The following SUGP1 variants were observed in gnomAD, a reference collection of about 807,000 sequenced individuals.
The protein encoded by SUGP1 is SURP and G-patch domain containing 1.
Under a neutral mutation model 76.5 loss-of-function variants are expected in SUGP1, and 34 were observed. That is an observed-to-expected ratio of 0.44 (90% CI 0.34 to 0.59). The LOEUF (loss-of-function observed/expected upper bound fraction) is 0.59. Ranked by LOEUF, SUGP1 falls within the 20% of genes least tolerant of loss-of-function variation. SUGP1 has a pLI of 0.01. For missense variants in SUGP1, 752 were observed against 851.7 expected (o/e 0.88, Z 1.46); for synonymous variants, 326 against 326.2 (o/e 1.00, Z 0.01).
chr19:19,287,733 A>C (rs1423331178), intron 8 of SUGP1, among the ~76,000 whole-genome samples: 5 of 152,214 alleles, frequency 3.3e-5, no homozygotes, highest in Non-Finnish European at 7.3e-5. Flanking sequence ...TGGTAGGAGG[A>C]TTCTCATTAT....
rs956389707 is a variant in SUGP1 at position 19,291,893 on chromosome 19, A to T, written c.1243+5096T>A. Reference sequence around the variant, plus strand: ...GGGTGACAGAGTGAGACTCTGTCACACACACACACACACACACACACACAC... The same window carrying T: ...GGGTGACAGAGTGAGACTCTGTCACTCACACACACACACACACACACACAC... On this transcript the variant is annotated intron_variant, in intron 8 of 13. Coordinates refer to ENST00000247001, the MANE Select transcript of SUGP1 (RefSeq NM_172231.4). 5.7e-3 allele frequency among the ~76,000 whole-genome samples: 538 copies of T among 93,792 alleles called. 1 individual carries two copies. Among genetic ancestry groups the T allele is most frequent in the Non-Finnish European group, 8.2e-3 (321 of 39,008 alleles). 61.5% of individuals were successfully genotyped at this position (93,792 alleles called of 152,430 possible). A position where few individuals can be genotyped will look rare whatever the true frequency, so the allele number is the denominator to read the frequency against.
At chr19:19,304,532 A>T (rs1354136124) in intron 4 of SUGP1, among the ~76,000 whole-genome samples, 1 of 152,138 alleles carries the variant, frequency 6.6e-6, no homozygotes. Flanking sequence ...AGGCTTAATC[A>T]TTATTTCGGG....
At chr19:19,320,256 T>C (rs2061432515) in intron 1 of SUGP1, among the ~76,000 whole-genome samples, 1 of 152,186 alleles carries the variant, frequency 6.6e-6, no homozygotes, top group African/African-American at 2.4e-5. Flanking sequence ...CGGAGATCCG[T>C]GCGTCCTCAG....
intron 8 of SUGP1, among the ~76,000 whole-genome samples, chr19:19,292,789 T>A (rs1325001775): frequency 6.6e-6 from 1 of 152,230 alleles, no homozygotes; most frequent in Non-Finnish European, 1.5e-5. Context: ...TTATACACCA[T>A]GACCAAGTGG....
At chr19:19,276,838 C>T in intron 13 of SUGP1, 109 bp downstream of exon 13, 7 of 1,554,332 alleles carry the variant, frequency 4.5e-6, no homozygotes, top group South Asian at 2.4e-5. Context: ...GTAGGGGGCT[C>T]GCTGGTGAGA....
At chr19:19,296,196 G>C (rs965390656) in intron 8 of SUGP1, among the ~76,000 whole-genome samples, 1 of 152,106 alleles carries the variant, frequency 6.6e-6, no homozygotes, top group Non-Finnish European at 1.5e-5. Flanking sequence ...TACAGAAAAA[G>C]TGGAACCCTT....
intron 12 of SUGP1, 39 bp from the exon 13 acceptor site, chr19:19,277,115 AGAACTCTGGC>A (rs1422934249): frequency 6.3e-7 from 1 of 1,587,380 alleles, no homozygotes; most frequent in East Asian, 2.3e-5. Flanking sequence ...ACCTGGGGCC[AGAACTCTGGC>A]CGGGGGGCCG....
chr19:19,310,074 G>A, intron 3 of SUGP1, 23 bp downstream of exon 3: 2 of 1,598,020 alleles, frequency 1.3e-6, no homozygotes, highest in Non-Finnish European at 1.7e-6. Context: ...GACAGCACAA[G>A]GAAAGGGGAG....
At chr19:19,318,113 C>CTTTTCTTTTTTTTTTTTT (rs55849619) in intron 1 of SUGP1, among the ~76,000 whole-genome samples, 2 of 97,716 alleles carry the variant, frequency 2.0e-5, no homozygotes, top group African/African-American at 8.8e-5. Flanking sequence ...ACCCAGCCTT[C>CTTTTCTTTTTTTTTTTTT]TTTTTTTTTT....
chr19:19,308,841 T>G (rs2061334565), intron 3 of SUGP1, among the ~76,000 whole-genome samples: 1 of 151,604 alleles, frequency 6.6e-6, no homozygotes, highest in Non-Finnish European at 1.5e-5. Context: ...GCACATTGAG[T>G]GCAGGGTCTA....
chr19:19,286,386 A>T (rs988983749), intron 8 of SUGP1, among the ~76,000 whole-genome samples: 1 of 152,206 alleles, frequency 6.6e-6, no homozygotes, highest in African/African-American at 2.4e-5. Context: ...AGCGAACATT[A>T]TGAAAGTCTG....
At chr19:19,318,690 A>G (rs544098233) in intron 1 of SUGP1, among the ~76,000 whole-genome samples, 70 of 152,296 alleles carry the variant, frequency 4.6e-4, no homozygotes, top group African/African-American at 1.7e-3. Flanking sequence ...TAAGCCTCCC[A>G]AAATGCTGAG....
At position 19,297,336 on chromosome 19, in the gene SUGP1, T is replaced by C. The variant is rs1238644335; in HGVS notation, c.896A>G (p.Tyr299Cys). ...CTTGTACCCTTGGCTATTGGGCTCA[T>C]ACAGAAAGCTGCAAAGGAGAGTTGG... The part of the protein sequence containing the change: ...NRENQAFSFL[Y>C]EPNSQGYKYY... Residue 299 changes from tyrosine to cysteine, a missense_variant, in exon 8 of 14, where the codon TAT becomes TGT. Tyr to Cys is a radical substitution (Grantham distance 194). Transcript: ENST00000247001. 2.6e-6 allele frequency: 4 copies of C among 1,513,522 alleles called. No individual in the cohort carries two copies. Among genetic ancestry groups the C allele is most frequent in the Non-Finnish European group, 2.7e-6 (3 of 1,128,406 alleles). The allele number at this position is 1,513,522 out of a possible 1,614,324, so 93.8% of individuals were successfully genotyped here. A position where few individuals can be genotyped will look rare whatever the true frequency, so the allele number is the denominator to read the frequency against.
At chr19:19,285,626 C>T (rs1159451124) in intron 8 of SUGP1, among the ~76,000 whole-genome samples, 5 of 152,068 alleles carry the variant, frequency 3.3e-5, no homozygotes, top group Admixed American at 6.6e-5. Flanking sequence ...AGTGCAATGG[C>T]GTGAACATGG....
chr19:19,283,013 A>C (rs773356996), intron 8 of SUGP1, among the ~76,000 whole-genome samples: 19 of 151,038 alleles, frequency 1.3e-4, no homozygotes, highest in African/African-American at 3.7e-4. Context: ...GGAGGTGGAG[A>C]TTGCAGTGAG....
intron 11 of SUGP1, among the ~76,000 whole-genome samples, chr19:19,278,461 T>A (rs562719726): frequency 9.2e-5 from 14 of 152,080 alleles, no homozygotes; most frequent in African/African-American, 3.4e-4. Flanking sequence ...GAAGCAAAAT[T>A]TCCCCCGCAG....
intron 3 of SUGP1, among the ~76,000 whole-genome samples, chr19:19,309,787 C>T (rs575596971): frequency 6.6e-6 from 1 of 152,292 alleles, no homozygotes; most frequent in African/African-American, 2.4e-5. Context: ...TGGCGGGCGT[C>T]TGTAGTCCCA....
intron 2 of SUGP1, among the ~76,000 whole-genome samples, chr19:19,311,680 T>G: frequency 6.9e-6 from 1 of 145,442 alleles, no homozygotes; most frequent in African/African-American, 2.6e-5. Context: ...TGAGCCAAGA[T>G]TGCGCCACTG....
chr19:19,297,437 G>A (rs948580513), intron 7 of SUGP1, 93 bp from the exon 8 acceptor site: 20 of 974,088 alleles, frequency 2.1e-5, no homozygotes, highest in Non-Finnish European at 1.9e-5. Flanking sequence ...GTGTGCCCAC[G>A]TTGGCCAGGG....
Sources: allele counts gnomAD v4.1 joint callset (sites outside exome capture counted in the v4.1 genomes callset), GRCh38; gene constraint gnomAD v4.1.1; transcripts MANE v1.5; gene names NCBI Gene and HGNC (gene_info 2026-07-23, HGNC 2026-07-21).